The following CHN2 variants were observed in gnomAD, a reference collection of about 807,000 sequenced individuals.
CHN2 encodes the protein chimerin 2.
Under a neutral mutation model 56.3 loss-of-function variants are expected in CHN2, and 35 were observed. The ratio of observed to expected loss-of-function variants is 0.62; its 90% CI spans 0.47 to 0.82. The LOEUF (loss-of-function observed/expected upper bound fraction) is 0.82. CHN2 is among the 40% of genes least tolerant of loss of function. The pLI is 0.00. For synonymous variants in CHN2, 210 were observed against 212.8 expected, an observed-to-expected ratio of 0.99 and a Z score of 0.12; for missense variants, 491 against 580.5, an observed-to-expected ratio of 0.85 and a Z score of 1.58.
At chr7:29,298,371 A>T (rs1415119632) in intron 1 of CHN2, among the ~76,000 whole-genome samples, 3 of 152,140 alleles carry the variant, frequency 2.0e-5, no homozygotes, top group African/African-American at 7.2e-5. Context: ...GAAGCTTGGA[A>T]TTAAGTTTGG....
chr7:29,154,345 T>C (rs1284619263), intron 2 of CHN2, among the ~76,000 whole-genome samples: 1 of 152,196 alleles, frequency 6.6e-6, no homozygotes. Context: ...CTCTAGCATG[T>C]CTGTATGAGC....
At chr7:29,198,711 G>A (rs1482718367) in intron 1 of CHN2, among the ~76,000 whole-genome samples, 2 of 152,128 alleles carry the variant, frequency 1.3e-5, no homozygotes. Flanking sequence ...TTGCAAAATA[G>A]TCTTCTTAAT....
intron 2 of CHN2, among the ~76,000 whole-genome samples, chr7:29,182,716 G>T (rs1798214117): frequency 6.6e-6 from 1 of 152,192 alleles, no homozygotes; most frequent in East Asian, 1.9e-4. Flanking sequence ...AAGATTTAAT[G>T]TCAAAAGAGG....
chr7:29,252,592 T>TTTTTTTTTTTTTTTTTG (rs1788697594), intron 1 of CHN2, among the ~76,000 whole-genome samples: 1 of 39,208 alleles, frequency 2.6e-5, no homozygotes, highest in African/African-American at 1.7e-4. Flanking sequence ...TTTTTTTTTT[T>TTTTTTTTTTTTTTTTTG]TTTTTTTTTT....
intron 8 of CHN2, among the ~76,000 whole-genome samples, chr7:29,498,749 C>A: frequency 7.4e-6 from 1 of 136,044 alleles, no homozygotes; most frequent in East Asian, 2.1e-4. Flanking sequence ...AGAATGTAGA[C>A]TATGCTGCCT....
At chr7:29,260,457 G>A (rs1789444677) in intron 1 of CHN2, among the ~76,000 whole-genome samples, 1 of 152,108 alleles carries the variant, frequency 6.6e-6, no homozygotes, top group African/African-American at 2.4e-5. Context: ...GAGCATCAGA[G>A]GTGTGCTTCA....
At chr7:29,240,727 TG>T (rs1787588034) in intron 1 of CHN2, among the ~76,000 whole-genome samples, 3 of 150,154 alleles carry the variant, frequency 2.0e-5, no homozygotes, top group African/African-American at 7.4e-5. Flanking sequence ...CGGTGGGGAG[TG>T]GGAGGGCTGT....
chr7:29,204,686 G>A (rs1030177928), intron 1 of CHN2, among the ~76,000 whole-genome samples: 6 of 152,016 alleles, frequency 3.9e-5, no homozygotes, highest in African/African-American at 1.2e-4. Flanking sequence ...AGGTACTCCC[G>A]GTGACCAGGG....
chr7:29,187,459 C>G (rs1271643016), intron 2 of CHN2, among the ~76,000 whole-genome samples: 2 of 152,106 alleles, frequency 1.3e-5, no homozygotes, highest in Non-Finnish European at 2.9e-5. Flanking sequence ...CACGGTGGCT[C>G]ACGCCTGTAA....
intron 1 of CHN2, among the ~76,000 whole-genome samples, chr7:29,353,303 A>G (rs1798025125): frequency 6.6e-6 from 1 of 152,234 alleles, no homozygotes; most frequent in Non-Finnish European, 1.5e-5. Flanking sequence ...TAAAGAGCAT[A>G]TTTGTTTCTC....
intron 2 of CHN2, chr7:29,148,527 A>C (rs1455844835): frequency 6.6e-6 from 1 of 152,266 alleles, no homozygotes; most frequent in African/African-American, 2.4e-5. Context: ...TATGGCATAC[A>C]TTAACCAGAA....
intron 8 of CHN2, 144 bp downstream of exon 8, chr7:29,496,180 T>C (rs1188414488): frequency 1.9e-6 from 1 of 518,614 alleles, no homozygotes; most frequent in Non-Finnish European, 3.3e-6. Context: ...CTGTGCTTAA[T>C]GGGGAAACTA....
intron 2 of CHN2, among the ~76,000 whole-genome samples, chr7:29,167,163 C>T (rs1205666584): frequency 6.6e-6 from 1 of 152,140 alleles, no homozygotes; most frequent in Non-Finnish European, 1.5e-5. Flanking sequence ...GGTACAATAT[C>T]TTGAATTTTG....
chr7:29,222,700 G>T (rs567487082), intron 1 of CHN2, among the ~76,000 whole-genome samples: 2 of 152,292 alleles, frequency 1.3e-5, no homozygotes, highest in East Asian at 3.9e-4. Flanking sequence ...TAGATTCAAT[G>T]CAATCCCAAT....
intron 1 of CHN2, among the ~76,000 whole-genome samples, chr7:29,313,038 T>C (rs1794705140): frequency 6.6e-6 from 1 of 152,180 alleles, no homozygotes; most frequent in South Asian, 2.1e-4. Context: ...CAACTCATAT[T>C]TCCAGAACTT....
rs35253523 is a variant in CHN2, at chr7:29,187,345, CTG to C, written c.274+40404_274+40405del. Among the ~76,000 whole-genome samples, 566 of 148,782 alleles carry C rather than the reference CTG, an allele frequency of 3.8e-3. 9 individuals are homozygous for C. The highest frequency in any genetic ancestry group is 2.5e-3 in the Non-Finnish European group (170 of 66,874). On this transcript the variant is annotated intron_variant, in intron 2 of 6. Coordinates refer to the CHN2 transcript ENST00000439384. ...TCTAGTGGTGTGTGTGTTTGTGTGT[CTG>C]TGTGTGTGTGTGTGTGTGACAAAGA...
chr7:29,438,872 A>G (rs1783431482), intron 6 of CHN2, among the ~76,000 whole-genome samples: 3 of 152,332 alleles, frequency 2.0e-5, no homozygotes, highest in East Asian at 1.9e-4. Context: ...TGTAGAAACA[A>G]TTGTTTAGAA....
intron 2 of CHN2, among the ~76,000 whole-genome samples, chr7:29,184,151 TGATAGATA>T (rs56102038): frequency 0.027 from 3,907 of 143,356 alleles, 87 homozygotes; most frequent in African/African-American, 0.062. Context: ...TACAGATAGA[TGATAGATA>T]GATAGATAGA....
chr7:29,327,792 A>C (rs1795926051), intron 1 of CHN2, among the ~76,000 whole-genome samples: 1 of 152,246 alleles, frequency 6.6e-6, no homozygotes, highest in South Asian at 2.1e-4. Flanking sequence ...TGACACATTT[A>C]AAATTTCTTC....
Sources: allele counts gnomAD v4.1 joint callset (sites outside exome capture counted in the v4.1 genomes callset), GRCh38; gene constraint gnomAD v4.1.1; transcripts MANE v1.5; gene names NCBI Gene and HGNC (gene_info 2026-07-23, HGNC 2026-07-21).